TBP: variants seen among roughly 807,000 people sequenced by gnomAD.
TBP encodes the protein TATA-box binding protein, also known as TATA-box-binding protein.
A neutral mutation model predicts 46.2 loss-of-function variants in TBP; 12 were observed. That is an observed-to-expected ratio of 0.26 (90% confidence interval 0.17 to 0.42). The LOEUF (loss-of-function observed/expected upper bound fraction) is 0.42, where lower values mean the gene tolerates loss of function less well. TBP is among the 10% of genes least tolerant of loss of function. TBP has a pLI of 1.00. For missense variants in TBP, 229 were observed against 403.1 expected, an observed-to-expected ratio of 0.57 and a Z score of 3.70; for synonymous variants, 157 against 148.3, an observed-to-expected ratio of 1.06 and a Z score of -0.42.
chr6:170,561,967 G>GCAGCAGCAGCAACAGCAA lies in TBP; in HGVS notation c.242_243insACAGCAACAGCAGCAGCA (p.Gln90_Gln95dup). ...AGCAGCAGCAACAGCAACAGCAGCA[G>GCAGCAGCAGCAACAGCAA]CAGCAGCAGCAGCAGCAGCAGCAGC... is the stretch of plus-strand genomic sequence containing the variant. On this transcript the variant is annotated inframe_insertion, in exon 3 of 8. Coordinates refer to ENST00000392092, the MANE Select transcript of TBP (RefSeq NM_003194.5). 2.8e-6 allele frequency: 2 copies of GCAGCAGCAGCAACAGCAA among 706,084 alleles called. No individual in the cohort carries two copies. Among genetic ancestry groups the GCAGCAGCAGCAACAGCAA allele is most frequent in the Non-Finnish European group, 3.6e-6 (2 of 556,482 alleles). The allele number at this position is 706,084 out of a possible 1,614,324, so 43.7% of individuals were successfully genotyped here.
At chr6:170,570,518 ATG>A (rs945013676) in intron 6 of TBP, among the ~76,000 whole-genome samples, 18 of 152,178 alleles carry the variant, frequency 1.2e-4, no homozygotes, top group African/African-American at 3.9e-4. Context: ...ACTGAGAAAA[ATG>A]AGATTACTAG....
In TBP at chr6:170,572,136, TAAG is replaced by T. The variant is rs762318915; in HGVS notation, c.941-46_941-44del. 16 of 1,404,896 alleles carry T rather than the reference TAAG, an allele frequency of 1.1e-5. No individual in the cohort carries two copies. The Admixed American group carries it at 2.5e-4, about 22-fold the overall frequency. 87.0% of individuals were successfully genotyped at this position (1,404,896 alleles called of 1,614,324 possible). A position where few individuals can be genotyped will look rare whatever the true frequency, so the allele number is the denominator to read the frequency against. The stretch of plus-strand genomic sequence containing the variant: ...TAAGAATTTTACCATCTTAATATGT[TAAG>T]AAGTGCCATTTCAGTCTCTCATCTC... On this transcript the variant is annotated intron_variant, in intron 7 of 7. Coordinates refer to ENST00000392092, the MANE Select transcript of TBP (RefSeq NM_003194.5).
Position 170,572,663 on chromosome 6 carries a change from C to T in TBP, c.*398C>T, listed in dbSNP as rs1315619615. 2.9e-5 allele frequency: 5 copies of T among 175,406 alleles called. No homozygotes were observed. The highest frequency in any genetic ancestry group is 4.8e-5 in the Non-Finnish European group (4 of 83,970). 10.9% of individuals were successfully genotyped at this position (175,406 alleles called of 1,614,324 possible). A position where few individuals can be genotyped will look rare whatever the true frequency, so the allele number is the denominator to read the frequency against. On this transcript the variant is annotated 3_prime_UTR_variant, in exon 8 of 8. Transcript: ENST00000392092. Reference sequence around the variant, plus strand: ...ATGAACCACAGTTTTTATATTTCTACCAGAAAAGTAAAAATCTTTTTTAAA... The same window carrying T: ...ATGAACCACAGTTTTTATATTTCTATCAGAAAAGTAAAAATCTTTTTTAAA...
chr6:170,559,985 C>T (rs962969204), intron 2 of TBP, among the ~76,000 whole-genome samples: 1 of 152,198 alleles, frequency 6.6e-6, no homozygotes, highest in Non-Finnish European at 1.5e-5. Flanking sequence ...GAGAGCACGT[C>T]TGTTTACAGC....
chr6:170,561,181 A>C (rs559455163), intron 2 of TBP, among the ~76,000 whole-genome samples: 38 of 152,236 alleles, frequency 2.5e-4, no homozygotes, highest in African/African-American at 8.9e-4. Context: ...TTTAGCAATA[A>C]AGCATTTTTA....
intron 5 of TBP, 89 bp from the exon 6 acceptor site, chr6:170,569,523 A>T: frequency 8.7e-7 from 1 of 1,152,986 alleles, no homozygotes; most frequent in African/African-American, 1.6e-5. Flanking sequence ...TTATTAGTTT[A>T]CTGTTTTGGA....
Position 170,556,992 on chromosome 6 carries a change from G to C in TBP, c.-38G>C, listed in dbSNP as rs370692746. 1.2e-6 allele frequency: 2 copies of C among 1,609,810 alleles called. No individual in the cohort carries two copies. The highest frequency in any genetic ancestry group is 1.7e-6 in the Non-Finnish European group (2 of 1,176,796). On this transcript the variant is annotated 5_prime_UTR_variant, in exon 2 of 8. Coordinates refer to ENST00000392092, the MANE Select transcript of TBP (RefSeq NM_003194.5). ...ATTGAATAGTGAGACGAGTTCCAGCGCAAGGGTTTCTGGTTTGCCAAGAAG... is the reference window on the plus strand; with the variant it reads ...ATTGAATAGTGAGACGAGTTCCAGCCCAAGGGTTTCTGGTTTGCCAAGAAG...
rs1215131143 is a variant in TBP at position 170,572,324 on chromosome 6, A to T, written c.*59A>T. The T allele has an allele frequency of 2.7e-5, 37 of 1,369,492 alleles. No individual in the cohort carries two copies. The Admixed American group carries it at 6.9e-4, about 26-fold the overall frequency. The allele number at this position is 1,369,492 out of a possible 1,614,324, so 84.8% of individuals were successfully genotyped here. On this transcript the variant is annotated 3_prime_UTR_variant, in exon 8 of 8. Coordinates refer to ENST00000392092, the MANE Select transcript of TBP (RefSeq NM_003194.5). ...TTCTTTTTTTTTTTTTAAACAAATCAGTTTGTTTTGGTACCTTTAAATGGT... is the reference window on the plus strand; with the variant it reads ...TTCTTTTTTTTTTTTTAAACAAATCTGTTTGTTTTGGTACCTTTAAATGGT...
At chr6:170,568,275 G>A (rs1156769942) in intron 5 of TBP, among the ~76,000 whole-genome samples, 2 of 152,140 alleles carry the variant, frequency 1.3e-5, no homozygotes, top group Non-Finnish European at 1.5e-5. Flanking sequence ...TTTTGTCCCA[G>A]AGCATCTGAA....
At chr6:170,558,640 A>G (rs1170063735) in intron 2 of TBP, among the ~76,000 whole-genome samples, 2 of 151,466 alleles carry the variant, frequency 1.3e-5, no homozygotes, top group African/African-American at 2.4e-5. Flanking sequence ...CAGGATTTCA[A>G]ACTTTTTCAT....
chr6:170,560,572 T>C (rs1246554628), intron 2 of TBP, among the ~76,000 whole-genome samples: 3 of 152,194 alleles, frequency 2.0e-5, no homozygotes, highest in Non-Finnish European at 4.4e-5. Context: ...TTCACCATTC[T>C]AGATGCCATT....
Position 170,556,994 on chromosome 6 carries a change from A to G in TBP, c.-36A>G. 6.2e-7 allele frequency: 1 copy of G among 1,611,460 alleles called. No individual in the cohort carries two copies. Among genetic ancestry groups the G allele is most frequent in the South Asian group, 1.1e-5 (1 of 90,922 alleles). ...TGAATAGTGAGACGAGTTCCAGCGCAAGGGTTTCTGGTTTGCCAAGAAGAA... is the reference window on the plus strand; with the variant it reads ...TGAATAGTGAGACGAGTTCCAGCGCGAGGGTTTCTGGTTTGCCAAGAAGAA... On this transcript the variant is annotated 5_prime_UTR_variant, in exon 2 of 8. Coordinates refer to ENST00000392092, the MANE Select transcript of TBP (RefSeq NM_003194.5).
rs41270527 is a variant in TBP at position 170,554,503 on chromosome 6, C to T, written c.-149+40C>T. On this transcript the variant is annotated intron_variant, in intron 1 of 7. Transcript: ENST00000392092. ...TCTTTTCTGACGGTTCGGGCGAAGGCCACCACTGCACTGAGGCCTGGGGGC... is the reference window on the plus strand; with the variant it reads ...TCTTTTCTGACGGTTCGGGCGAAGGTCACCACTGCACTGAGGCCTGGGGGC... 5.0e-3 allele frequency: 762 copies of T among 152,774 alleles called. 7 individuals carry two copies. The highest frequency in any genetic ancestry group is 8.3e-3 in the Non-Finnish European group (570 of 68,396). The allele number at this position is 152,774 out of a possible 1,614,324, so 9.5% of individuals were successfully genotyped here. A position where few individuals can be genotyped will look rare whatever the true frequency, so the allele number is the denominator to read the frequency against.
chr6:170,563,719 G>T (rs925194837), intron 3 of TBP, among the ~76,000 whole-genome samples: 1 of 152,186 alleles, frequency 6.6e-6, no homozygotes, highest in African/African-American at 2.4e-5. Context: ...ATCTGGACTC[G>T]ATATTCTTGG....
intron 3 of TBP, among the ~76,000 whole-genome samples, chr6:170,563,239 A>G (rs1190897336): frequency 6.6e-6 from 1 of 152,184 alleles, no homozygotes; most frequent in East Asian, 1.9e-4. Context: ...TGCATTTCTG[A>G]TTTAAATAAT....
At chr6:170,560,931 T>C (rs942012351) in intron 2 of TBP, among the ~76,000 whole-genome samples, 7 of 152,312 alleles carry the variant, frequency 4.6e-5, no homozygotes, top group African/African-American at 1.7e-4. Context: ...TTTGAGAGGA[T>C]TGACTCCAAT....
Position 170,572,349 on chromosome 6 carries a change from TG to T in TBP, c.*86del. Reference sequence around the variant, plus strand: ...AGTTTGTTTTGGTACCTTTAAATGGTGGTGTTGTGAGAAGATGGATGTTGAG... The same window carrying T: ...AGTTTGTTTTGGTACCTTTAAATGGTGTGTTGTGAGAAGATGGATGTTGAG... On this transcript the variant is annotated 3_prime_UTR_variant, in exon 8 of 8. Coordinates refer to ENST00000392092, the MANE Select transcript of TBP (RefSeq NM_003194.5). 1 of 1,146,330 alleles carries T rather than the reference TG, an allele frequency of 8.7e-7. No homozygotes were observed. Among genetic ancestry groups the T allele is most frequent in the Non-Finnish European group, 1.3e-6 (1 of 780,512 alleles). The allele number at this position is 1,146,330 out of a possible 1,614,324, so 71.0% of individuals were successfully genotyped here.
At chr6:170,566,890 C>G in intron 4 of TBP, 28 bp from the exon 5 acceptor site, 1 of 1,605,282 alleles carries the variant, frequency 6.2e-7, no homozygotes, top group Non-Finnish European at 8.5e-7. Context: ...GGCATGACCT[C>G]ACTAATGATT....
Position 170,562,002 on chromosome 6 carries a change from A to AGCAGCAGCG in TBP, c.274_275insGGCAGCAGC (p.Gln91_Gln92insArgGlnGln). ...CAGCAGCAGCAGCAGCAGCAGCAGC[A>AGCAGCAGCG]GCAGCAGCAGCAGCAACAGGCAGTG... On this transcript the variant is annotated inframe_insertion, in exon 3 of 8. Coordinates refer to ENST00000392092, the MANE Select transcript of TBP (RefSeq NM_003194.5). 1.2e-6 allele frequency: 2 copies of AGCAGCAGCG among 1,607,324 alleles called. No individual in the cohort carries two copies. Among genetic ancestry groups the AGCAGCAGCG allele is most frequent in the Non-Finnish European group, 1.7e-6 (2 of 1,176,214 alleles).
Sources: gnomAD v4.1 joint callset for allele counts (sites outside exome capture counted in the v4.1 genomes callset) on GRCh38, gnomAD v4.1.1 for gene constraint, MANE v1.5 for transcripts, NCBI Gene and HGNC (gene_info 2026-07-23, HGNC 2026-07-21) for gene names.